L2HGDH: variants seen among roughly 807,000 people sequenced by gnomAD.
The protein encoded by L2HGDH is L-2-hydroxyglutarate dehydrogenase.
L2HGDH carries 34 observed loss-of-function variants against 51.5 expected under a neutral mutation model. That is an observed-to-expected ratio of 0.66 (90% confidence interval 0.50 to 0.88). The LOEUF (loss-of-function observed/expected upper bound fraction) is 0.88, where lower values mean the gene tolerates loss of function less well. L2HGDH is among the 40% of genes least tolerant of loss of function. The pLI is 0.00. For missense variants in L2HGDH, 558 were observed against 571.9 expected, an observed-to-expected ratio of 0.98 and a Z score of 0.25; for synonymous variants, 198 against 197.9, an observed-to-expected ratio of 1.00 and a Z score of -0.01.
At chr14:50,275,605 A>G (rs1023028378) in intron 6 of L2HGDH, among the ~76,000 whole-genome samples, 10 of 152,044 alleles carry the variant, frequency 6.6e-5, no homozygotes, top group African/African-American at 2.4e-4. Context: ...TGATTTTACC[A>G]TTTTCCCCAT....
At position 50,242,555 on chromosome 14, in the gene L2HGDH, G is replaced by T; in HGVS notation, c.*4503C>A. 1.0e-6 allele frequency: 1 copy of T among 984,946 alleles called. No homozygotes were observed. The highest frequency in any genetic ancestry group is 1.2e-6 in the Non-Finnish European group (1 of 829,484). The allele number at this position is 984,946 out of a possible 1,614,324, so 61.0% of individuals were successfully genotyped here. ...TAGGATTTGAGGCCAGAAAAGTAGAGTTGGTTGGTATCAACACTGTTCTTC... is the reference window on the plus strand; with the variant it reads ...TAGGATTTGAGGCCAGAAAAGTAGATTTGGTTGGTATCAACACTGTTCTTC... On this transcript the variant is annotated 3_prime_UTR_variant, in exon 10 of 10. Coordinates refer to ENST00000267436, the MANE Select transcript of L2HGDH (RefSeq NM_024884.3).
chr14:50,308,282 C>T (rs1262975605), intron 1 of L2HGDH, among the ~76,000 whole-genome samples: 5 of 151,734 alleles, frequency 3.3e-5, no homozygotes, highest in African/African-American at 1.2e-4. Flanking sequence ...CCCAGCTACT[C>T]GGGAGGCTGA....
At position 50,312,196 on chromosome 14, in the gene L2HGDH, G is replaced by C; in HGVS notation, c.-46C>G. 3 of 1,602,986 alleles carry C rather than the reference G, an allele frequency of 1.9e-6. No homozygotes were observed. The highest frequency in any genetic ancestry group is 2.2e-5 in the South Asian group (2 of 90,276). ...CCTCAGCGCTCAGAAGAAGCCACTT[G>C]ACCCTCCACGGCCGAGGACCCGCGC... On this transcript the variant is annotated 5_prime_UTR_variant, in exon 1 of 10. Transcript: ENST00000267436.
chr14:50,247,039 A>C lies in L2HGDH; in HGVS notation c.*19T>G. ...TGCTGACATGAAGATTACAGTGCAT[A>C]CCTAGCTCCTTTCATTATTTATAAT... On this transcript the variant is annotated 3_prime_UTR_variant, in exon 10 of 10. Transcript: ENST00000267436. The C allele has an allele frequency of 1.2e-6, 2 of 1,610,570 alleles. No homozygotes were observed. The highest frequency in any genetic ancestry group is 1.7e-6 in the Non-Finnish European group (2 of 1,178,004).
intron 3 of L2HGDH, among the ~76,000 whole-genome samples, chr14:50,300,166 G>T (rs1195744991): frequency 4.6e-5 from 7 of 152,060 alleles, no homozygotes; most frequent in Non-Finnish European, 8.8e-5. Context: ...ACAAAATGTT[G>T]ATTATAGTTA....
chr14:50,284,431 T>C (rs866396712), intron 4 of L2HGDH, among the ~76,000 whole-genome samples: 4 of 152,162 alleles, frequency 2.6e-5, no homozygotes, highest in African/African-American at 4.8e-5. Flanking sequence ...AGATTTTATG[T>C]GGTTAACTCA....
At chr14:50,301,865 T>C in intron 3 of L2HGDH, 152 bp downstream of exon 3, 1 of 778,274 alleles carries the variant, frequency 1.3e-6, no homozygotes, top group Admixed American at 2.6e-5. Context: ...TTACATAACG[T>C]CACACCATCT....
At chr14:50,307,083 T>G in intron 1 of L2HGDH, among the ~76,000 whole-genome samples, 1 of 152,126 alleles carries the variant, frequency 6.6e-6, no homozygotes, top group South Asian at 2.1e-4. Flanking sequence ...CCCAAAATGC[T>G]GGGAATACAG....
chr14:50,302,612 A>G (rs2030479357), intron 2 of L2HGDH, among the ~76,000 whole-genome samples: 1 of 152,118 alleles, frequency 6.6e-6, no homozygotes, highest in South Asian at 2.1e-4. Context: ...CACAGCCACA[A>G]TCTTGATGTG....
intron 4 of L2HGDH, among the ~76,000 whole-genome samples, chr14:50,285,732 G>A (rs541048869): frequency 2.6e-5 from 4 of 152,200 alleles, no homozygotes; most frequent in African/African-American, 9.6e-5. Context: ...CTATTACCCA[G>A]CACAACGTCT....
At chr14:50,308,944 G>C (rs2030889072) in intron 1 of L2HGDH, among the ~76,000 whole-genome samples, 1 of 152,202 alleles carries the variant, frequency 6.6e-6, no homozygotes, top group African/African-American at 2.4e-5. Context: ...TGAAAAACCT[G>C]CTATCAATAC....
At position 50,244,739 on chromosome 14, in the gene L2HGDH, T is replaced by C. The variant is rs1460077119; in HGVS notation, c.*2319A>G. 3.0e-6 allele frequency: 3 copies of C among 985,420 alleles called. No individual in the cohort carries two copies. The highest frequency in any genetic ancestry group is 3.6e-6 in the Non-Finnish European group (3 of 829,934). The allele number at this position is 985,420 out of a possible 1,614,324, so 61.0% of individuals were successfully genotyped here. A position where few individuals can be genotyped will look rare whatever the true frequency, so the allele number is the denominator to read the frequency against. On this transcript the variant is annotated 3_prime_UTR_variant, in exon 10 of 10. Transcript: ENST00000267436. ...TGAGGTAGCTCAATCAATGTAATCATCAATGCTTGAAGTGAGGGGAAAAGG... is the reference window on the plus strand; with the variant it reads ...TGAGGTAGCTCAATCAATGTAATCACCAATGCTTGAAGTGAGGGGAAAAGG...
At chr14:50,273,869 C>T (rs963350126) in intron 6 of L2HGDH, among the ~76,000 whole-genome samples, 4 of 152,044 alleles carry the variant, frequency 2.6e-5, no homozygotes, top group African/African-American at 9.7e-5. Context: ...CACCTGAGGT[C>T]GGAGTTCAAA....
chr14:50,290,312 C>CT (rs1481167473), intron 4 of L2HGDH, among the ~76,000 whole-genome samples: 6 of 152,050 alleles, frequency 3.9e-5, no homozygotes, highest in Non-Finnish European at 8.8e-5. Context: ...TCCCTTAAGA[C>CT]TGAGAATTAT....
intron 4 of L2HGDH, among the ~76,000 whole-genome samples, chr14:50,289,816 T>C (rs1890773150): frequency 6.6e-6 from 1 of 152,186 alleles, no homozygotes; most frequent in Admixed American, 6.5e-5. Flanking sequence ...ACCCACTCAA[T>C]GTTAATAGCC....
In L2HGDH at chr14:50,245,372, C is replaced by A. The variant is rs1191178298; in HGVS notation, c.*1686G>T. The A allele has an allele frequency of 1.0e-6, 1 of 985,226 alleles. No individual in the cohort carries two copies. Among genetic ancestry groups the A allele is most frequent in the Non-Finnish European group, 1.2e-6 (1 of 829,918 alleles). 61.0% of individuals were successfully genotyped at this position (985,226 alleles called of 1,614,324 possible). A position where few individuals can be genotyped will look rare whatever the true frequency, so the allele number is the denominator to read the frequency against. On this transcript the variant is annotated 3_prime_UTR_variant, in exon 10 of 10. Transcript: ENST00000267436. ...TCTTCTAAGTTATTTCAGTTCTCAG[C>A]CACAGAGATTGAAGAACAGGACAAC...
chr14:50,270,816 G>A (rs1460036117), intron 6 of L2HGDH, among the ~76,000 whole-genome samples: 1 of 151,468 alleles, frequency 6.6e-6, no homozygotes, highest in South Asian at 2.1e-4. Context: ...AGGCCTTACT[G>A]TTTAGCCTTA....
intron 9 of L2HGDH, among the ~76,000 whole-genome samples, chr14:50,254,544 T>C (rs1888549732): frequency 6.6e-6 from 1 of 152,040 alleles, no homozygotes; most frequent in Non-Finnish European, 1.5e-5. Flanking sequence ...ATGTTGAGTG[T>C]CCAATGTAAA....
chr14:50,259,524 T>G (rs1888888414), intron 9 of L2HGDH, among the ~76,000 whole-genome samples: 1 of 151,898 alleles, frequency 6.6e-6, no homozygotes. Flanking sequence ...TGTGTATTTC[T>G]TTTAAAAAGA....
Sources: allele counts gnomAD v4.1 joint callset (sites outside exome capture counted in the v4.1 genomes callset), GRCh38; gene constraint gnomAD v4.1.1; transcripts MANE v1.5; gene names NCBI Gene and HGNC (gene_info 2026-07-23, HGNC 2026-07-21).